The following RPA1 variants were observed in gnomAD, a reference collection of about 807,000 sequenced individuals.
RPA1 encodes replication protein A1.
Under a neutral mutation model 83.0 loss-of-function variants are expected in RPA1, and 49 were observed. The ratio of observed to expected loss-of-function variants is 0.59; its 90% CI spans 0.47 to 0.75. The LOEUF is 0.75. Ranked by LOEUF, RPA1 falls within the 30% of genes least tolerant of loss-of-function variation. The pLI is 0.00. For missense variants in RPA1, 693 were observed against 776.1 expected (o/e 0.89, Z 1.27); for synonymous variants, 279 against 281.8 (o/e 0.99, Z 0.10).
chr17:1,831,897 C>T (rs1261901292), intron 1 of RPA1, among the ~76,000 whole-genome samples: 1 of 118,676 alleles, frequency 8.4e-6, no homozygotes, highest in South Asian at 2.6e-4. Context: ...CTGTGCCCGG[C>T]CTTTTTTTTT....
At chr17:1,895,347 T>A (rs79129278) in intron 16 of RPA1, among the ~76,000 whole-genome samples, 304 of 144,614 alleles carry the variant, frequency 2.1e-3, no homozygotes, top group African/African-American at 6.8e-3. Context: ...TTATTTTTTT[T>A]ATTTTTATTT....
intron 4 of RPA1, among the ~76,000 whole-genome samples, 191 bp from the exon 5 acceptor site, chr17:1,852,910 C>T (rs188950265): frequency 1.1e-3 from 162 of 152,310 alleles, no homozygotes; most frequent in African/African-American, 3.6e-3. Flanking sequence ...AATTAAGGAA[C>T]TAGTTGGGAA....
chr17:1,889,721 C>T (rs991016251), intron 14 of RPA1, among the ~76,000 whole-genome samples: 17 of 152,042 alleles, frequency 1.1e-4, no homozygotes, highest in African/African-American at 3.1e-4. Flanking sequence ...AGTTTAAGGC[C>T]GGGCACAGTG....
At position 1,880,589 on chromosome 17, in the gene RPA1, G is replaced by A. The variant is rs1312280060; in HGVS notation, c.1139G>A (p.Gly380Glu). ...AGACAGCCCGTGTTGGCTATCAAAGGAGCCCGAGTCTCTGATTTCGGTGGA... is the reference window on the plus strand; with the variant it reads ...AGACAGCCCGTGTTGGCTATCAAAGAAGCCCGAGTCTCTGATTTCGGTGGA... ...GSRQPVLAIKGARVSDFGGRS... is the reference protein window; with the variant it reads ...GSRQPVLAIKEARVSDFGGRS... The change falls in exon 12 of 17, where the codon GGA becomes GAA. Residue 380 changes from glycine to glutamate, a missense_variant. Gly to Glu is a moderately conservative substitution (Grantham distance 98, BLOSUM62 -2). Transcript: ENST00000254719. The A allele has an allele frequency of 6.2e-7, 1 of 1,614,084 alleles. No individual in the cohort carries two copies. The highest frequency in any genetic ancestry group is 8.5e-7 in the Non-Finnish European group (1 of 1,179,996).
intron 1 of RPA1, among the ~76,000 whole-genome samples, chr17:1,833,979 C>T (rs1232220557): frequency 1.4e-4 from 21 of 152,162 alleles, no homozygotes; most frequent in African/African-American, 4.8e-4. Flanking sequence ...GTCAGGAGTT[C>T]GAGATCAGCC....
At chr17:1,849,423 G>A (rs1000621968) in intron 4 of RPA1, among the ~76,000 whole-genome samples, 2 of 150,972 alleles carry the variant, frequency 1.3e-5, no homozygotes, top group Non-Finnish European at 2.9e-5. Flanking sequence ...CTCCCCAGTA[G>A]CTGGGACTAC....
chr17:1,858,839 A>G (rs1265536903), intron 5 of RPA1, among the ~76,000 whole-genome samples: 1 of 151,724 alleles, frequency 6.6e-6, no homozygotes, highest in Non-Finnish European at 1.5e-5. Context: ...CATACTTTGT[A>G]TGACTTGAAT....
intron 8 of RPA1, 86 bp downstream of exon 8, chr17:1,877,400 T>G: frequency 8.5e-7 from 1 of 1,178,002 alleles, no homozygotes; most frequent in Non-Finnish European, 1.2e-6. Context: ...GTGGGCTCGC[T>G]GGGAAACAGA....
At chr17:1,872,874 A>G (rs955713053) in intron 6 of RPA1, among the ~76,000 whole-genome samples, 4 of 151,960 alleles carry the variant, frequency 2.6e-5, no homozygotes, top group African/African-American at 9.7e-5. Flanking sequence ...GTGTCTTACT[A>G]TGTTGCCCTG....
At chr17:1,860,645 A>G (rs1912917996) in intron 5 of RPA1, among the ~76,000 whole-genome samples, 1 of 149,712 alleles carries the variant, frequency 6.7e-6, no homozygotes, top group Admixed American at 6.6e-5. Context: ...CAATGACAGT[A>G]TTTGTTGTAA....
At chr17:1,854,398 A>G (rs1052978769) in intron 5 of RPA1, 4 of 152,238 alleles carry the variant, frequency 2.6e-5, no homozygotes, top group Non-Finnish European at 5.9e-5. Flanking sequence ...AAATTTTAAA[A>G]TTACATATTA....
chr17:1,882,177 C>T (rs938286009), intron 12 of RPA1, among the ~76,000 whole-genome samples: 24 of 152,032 alleles, frequency 1.6e-4, no homozygotes, highest in East Asian at 3.9e-4. Context: ...ACTGTGTTCC[C>T]GAGCCACTTT....
chr17:1,879,085 C>T (rs779598348), intron 9 of RPA1, 24 bp downstream of exon 9: 11 of 1,613,872 alleles, frequency 6.8e-6, no homozygotes, highest in Non-Finnish European at 8.5e-6. Flanking sequence ...GACTTTAGAA[C>T]TGACACCGCC....
chr17:1,874,261 T>C (rs948939244), intron 6 of RPA1, among the ~76,000 whole-genome samples: 1 of 152,000 alleles, frequency 6.6e-6, no homozygotes, highest in Non-Finnish European at 1.5e-5. Flanking sequence ...TCCCAGCACT[T>C]TGGGAGGCCA....
At chr17:1,881,657 C>T (rs191272246) in intron 12 of RPA1, among the ~76,000 whole-genome samples, 15 of 152,332 alleles carry the variant, frequency 9.8e-5, no homozygotes, top group Middle Eastern at 3.4e-3. Flanking sequence ...TGCATTCCCA[C>T]ATTAAAATCG....
At chr17:1,852,277 A>T (rs1912524809) in intron 4 of RPA1, among the ~76,000 whole-genome samples, 1 of 152,264 alleles carries the variant, frequency 6.6e-6, no homozygotes, top group Non-Finnish European at 1.5e-5. Context: ...TAATGAACAT[A>T]TAATTAAGAC....
chr17:1,887,276 G>A (rs969833678), intron 13 of RPA1, among the ~76,000 whole-genome samples: 1 of 152,104 alleles, frequency 6.6e-6, no homozygotes, highest in South Asian at 2.1e-4. Context: ...GATCACTGTA[G>A]GCCAGGCGCG....
intron 4 of RPA1, among the ~76,000 whole-genome samples, chr17:1,848,836 T>C (rs1912364352): frequency 6.6e-6 from 1 of 152,084 alleles, no homozygotes; most frequent in African/African-American, 2.4e-5. Context: ...AGTCCTAGGA[T>C]TACAGGTGTG....
Position 1,883,829 on chromosome 17 carries a change from A to T in RPA1, c.1259A>T (p.Gln420Leu), listed in dbSNP as rs912638575. The change falls in exon 13 of 17, where the codon CAA becomes CTA. Residue 420 changes from glutamine to leucine, a missense_variant. Coordinates refer to ENST00000254719, the MANE Select transcript of RPA1 (RefSeq NM_002945.5). ...KLRGWFDAEGQALDGVSISDL... is the reference protein window; with the variant it reads ...KLRGWFDAEGLALDGVSISDL... ...GTTTTCAGGTTTGACGCAGAAGGACAAGCCTTAGATGGTGTTTCCATCTCT... is the reference window on the plus strand; with the variant it reads ...GTTTTCAGGTTTGACGCAGAAGGACTAGCCTTAGATGGTGTTTCCATCTCT... 2.9e-5 allele frequency: 46 copies of T among 1,613,962 alleles called. No homozygotes were observed. Among genetic ancestry groups the T allele is most frequent in the Non-Finnish European group, 3.8e-5 (45 of 1,179,986 alleles).
Sources: gnomAD v4.1 joint callset for allele counts (sites outside exome capture counted in the v4.1 genomes callset) on GRCh38, gnomAD v4.1.1 for gene constraint, MANE v1.5 for transcripts, NCBI Gene and HGNC (gene_info 2026-07-23, HGNC 2026-07-21) for gene names.